Variants in MCOLN2 observed in about 807,000 individuals in gnomAD.
MCOLN2 encodes the protein mucolipin-2.
In MCOLN2, 57 loss-of-function variants were observed where a neutral mutation model predicts 67.5. That is an observed-to-expected ratio of 0.84 (90% CI 0.68 to 1.05). MCOLN2 has a LOEUF of 1.05. MCOLN2 is among the 50% of genes least tolerant of loss of function. MCOLN2 has a pLI of 0.00. For missense variants in MCOLN2, 620 were observed against 678.8 expected (o/e 0.91, Z 0.96); for synonymous variants, 246 against 233.3 (o/e 1.05, Z -0.50).
intron 6 of MCOLN2, among the ~76,000 whole-genome samples, chr1:84,950,212 A>C (rs1648350143): frequency 1.3e-5 from 2 of 152,244 alleles, no homozygotes; most frequent in Admixed American, 1.3e-4. Context: ...AGATTTCTTC[A>C]CAACTTTCTG....
intron 9 of MCOLN2, among the ~76,000 whole-genome samples, chr1:84,939,001 G>A (rs1024385261): frequency 6.6e-6 from 1 of 152,178 alleles, no homozygotes; most frequent in Non-Finnish European, 1.5e-5. Flanking sequence ...AGAGGGAGCC[G>A]GGATGGGAGA....
At chr1:84,988,627 C>G (rs185509423) in intron 1 of MCOLN2, among the ~76,000 whole-genome samples, 1 of 152,244 alleles carries the variant, frequency 6.6e-6, no homozygotes, top group East Asian at 1.9e-4. Context: ...CCTCCCTGGT[C>G]CAAGCACTGT....
chr1:84,977,282 A>T (rs1296335909), intron 1 of MCOLN2, among the ~76,000 whole-genome samples: 1 of 152,168 alleles, frequency 6.6e-6, no homozygotes, highest in Non-Finnish European at 1.5e-5. Context: ...ACTAAATCAT[A>T]TCACCAGAGA....
intron 1 of MCOLN2, among the ~76,000 whole-genome samples, chr1:84,988,911 C>T (rs1282792617): frequency 6.6e-6 from 1 of 152,190 alleles, no homozygotes; most frequent in African/African-American, 2.4e-5. Context: ...ATCCACCCTA[C>T]TGCTGTTCCC....
intron 2 of MCOLN2, among the ~76,000 whole-genome samples, chr1:84,963,216 G>A (rs1041099154): frequency 6.6e-6 from 1 of 152,174 alleles, no homozygotes; most frequent in Non-Finnish European, 1.5e-5. Context: ...GGATTGCAAT[G>A]AGGATGAAAT....
intron 6 of MCOLN2, among the ~76,000 whole-genome samples, chr1:84,948,528 T>C (rs975283085): frequency 4.6e-5 from 7 of 151,966 alleles, no homozygotes; most frequent in Admixed American, 4.6e-4. Context: ...ACAAGAAACA[T>C]GAAAAGGCAA....
chr1:84,931,188 G>A (rs1429218972), intron 12 of MCOLN2, among the ~76,000 whole-genome samples, 174 bp downstream of exon 12: 3 of 152,068 alleles, frequency 2.0e-5, no homozygotes, highest in Non-Finnish European at 4.4e-5. Flanking sequence ...AATCCACCCT[G>A]CTGTGGGTAA....
At chr1:84,932,362 C>T (rs1557628787) in intron 11 of MCOLN2, among the ~76,000 whole-genome samples, 1 of 152,042 alleles carries the variant, frequency 6.6e-6, no homozygotes, top group Non-Finnish European at 1.5e-5. Context: ...CAGGTGCCTG[C>T]CACCAAGCCC....
At chr1:84,958,853 C>T in intron 2 of MCOLN2, 151 bp from the exon 3 acceptor site, 2 of 543,490 alleles carry the variant, frequency 3.7e-6, no homozygotes, top group Non-Finnish European at 6.3e-6. Flanking sequence ...TGTCAAAATA[C>T]AAGTCCCACA....
chr1:84,978,329 C>T (rs906622596), intron 1 of MCOLN2, among the ~76,000 whole-genome samples: 6 of 151,330 alleles, frequency 4.0e-5, no homozygotes, highest in East Asian at 1.9e-4. Context: ...TCTTATAGAA[C>T]TAGAAAAGCA....
At chr1:84,935,343 A>G (rs987519068) in intron 11 of MCOLN2, among the ~76,000 whole-genome samples, 2 of 152,216 alleles carry the variant, frequency 1.3e-5, no homozygotes, top group African/African-American at 4.8e-5. Flanking sequence ...TGCCATAAAC[A>G]GACCTGCAGG....
At chr1:84,962,202 G>A (rs1484673767) in intron 2 of MCOLN2, among the ~76,000 whole-genome samples, 7 of 152,184 alleles carry the variant, frequency 4.6e-5, no homozygotes, top group African/African-American at 1.7e-4. Flanking sequence ...AACAGGGTAT[G>A]CCCACATGAA....
At chr1:84,974,925 A>G (rs1223524308) in intron 1 of MCOLN2, among the ~76,000 whole-genome samples, 1 of 152,180 alleles carries the variant, frequency 6.6e-6, no homozygotes, top group Admixed American at 6.5e-5. Context: ...TCTGGTGGTG[A>G]TGACCATGGG....
chr1:84,933,597 G>C (rs1221853055), intron 11 of MCOLN2, among the ~76,000 whole-genome samples: 3 of 152,170 alleles, frequency 2.0e-5, no homozygotes, highest in Non-Finnish European at 2.9e-5. Context: ...TGACATTAAA[G>C]TTGGTTTCTA....
At chr1:84,985,791 G>T (rs1650476896) in intron 1 of MCOLN2, among the ~76,000 whole-genome samples, 1 of 152,128 alleles carries the variant, frequency 6.6e-6, no homozygotes, top group South Asian at 2.1e-4. Flanking sequence ...AGAAATCATA[G>T]ATGACACAAA....
At chr1:84,961,940 A>T (rs1649107245) in intron 2 of MCOLN2, among the ~76,000 whole-genome samples, 1 of 152,210 alleles carries the variant, frequency 6.6e-6, no homozygotes, top group Non-Finnish European at 1.5e-5. Flanking sequence ...TCTCAAGATT[A>T]TAAATTACTG....
At chr1:84,974,738 T>G (rs775698921) in intron 1 of MCOLN2, among the ~76,000 whole-genome samples, 1 of 151,304 alleles carries the variant, frequency 6.6e-6, no homozygotes, top group African/African-American at 2.4e-5. Flanking sequence ...GCTCCTGGAG[T>G]CCCCAGTTCT....
intron 1 of MCOLN2, among the ~76,000 whole-genome samples, chr1:84,970,605 C>A (rs1443083356): frequency 1.3e-5 from 2 of 152,070 alleles, no homozygotes; most frequent in African/African-American, 4.8e-5. Flanking sequence ...ATAGCTTGAT[C>A]TCAGGAGGCA....
chr1:84,988,156 C>T lies in MCOLN2; in HGVS notation c.77+8640G>A, dbSNP rs1650713074. ...TGCAATCAGTGGCCCAGCTGCAATC[C>T]TTAGTCCATTCTCCATCTTGGGTGC... On this transcript the variant is annotated intron_variant, in intron 1 of 13. Transcript: ENST00000370608. 2.0e-5 allele frequency among the ~76,000 whole-genome samples: 3 copies of T among 152,110 alleles called. No individual in the cohort carries two copies. In the South Asian group the frequency reaches 6.2e-4, roughly 32 times the overall value.
Sources: gnomAD v4.1 joint callset for allele counts (sites outside exome capture counted in the v4.1 genomes callset) on GRCh38, gnomAD v4.1.1 for gene constraint, MANE v1.5 for transcripts, NCBI Gene and HGNC (gene_info 2026-07-23, HGNC 2026-07-21) for gene names.